SV2C: variants seen among roughly 807,000 people sequenced by gnomAD.
SV2C encodes solute carrier family 22 member B3.
A neutral mutation model predicts 79.7 loss-of-function variants in SV2C; 49 were observed. The observed-to-expected ratio is 0.61, with a 90% confidence interval of 0.49 to 0.78. The LOEUF is 0.78. Ranked by LOEUF, SV2C falls within the 30% of genes least tolerant of loss-of-function variation. SV2C has a pLI of 0.00. For missense variants in SV2C, 833 were observed against 912.9 expected (o/e 0.91, Z 1.13); for synonymous variants, 334 against 333.2 (o/e 1.00, Z -0.03).
chr5:75,979,085 A>G, the SV2C span, among the ~76,000 whole-genome samples: 1 of 152,220 alleles, frequency 6.6e-6, no homozygotes, highest in Non-Finnish European at 1.5e-5. Context: ...GAGGGATTGC[A>G]ATCCTAGTTT....
rs1051829894 is a variant in SV2C at position 76,220,069 on chromosome 5, C to T, written c.913+10182C>T. On this transcript the variant is annotated intron_variant, in intron 4 of 12. Coordinates refer to ENST00000502798, the MANE Select transcript of SV2C (RefSeq NM_014979.4). ...AGCACTGCAGGTGACCCTGTCAACC[C>T]GGGGTTTGTGACCATATGTCCCTCT... Among the ~76,000 whole-genome samples, 8 of 152,268 alleles carry T rather than the reference C, an allele frequency of 5.3e-5. No homozygotes were observed. The South Asian group carries it at 6.2e-4, about 12-fold the overall frequency.
chr5:75,910,245 A>G, the SV2C span: 32 of 442,218 alleles, frequency 7.2e-5, no homozygotes, highest in African/African-American at 5.3e-4. Flanking sequence ...CCTGGGCAAC[A>G]TGGCGAAACC....
chr5:75,956,641 A>G, the SV2C span, among the ~76,000 whole-genome samples: 1 of 151,982 alleles, frequency 6.6e-6, no homozygotes, highest in African/African-American at 2.4e-5. Flanking sequence ...GAGCAGTAGC[A>G]TTGTAAATAA....
intron 12 of SV2C, among the ~76,000 whole-genome samples, chr5:76,351,916 T>TA (rs1454193767): frequency 3.3e-5 from 5 of 151,724 alleles, no homozygotes; most frequent in African/African-American, 9.7e-5. Context: ...AATCTCACTT[T>TA]AAAAAAAAAT....
chr5:76,220,763 A>G (rs2112376438), intron 4 of SV2C, among the ~76,000 whole-genome samples: 1 of 152,282 alleles, frequency 6.6e-6, no homozygotes, highest in Admixed American at 6.5e-5. Flanking sequence ...CTCAGCGGTC[A>G]TCATCAAAGG....
the SV2C span, among the ~76,000 whole-genome samples, chr5:75,874,188 T>C: frequency 3.9e-5 from 6 of 152,052 alleles, no homozygotes; most frequent in Admixed American, 3.9e-4. Flanking sequence ...CAGCAGCCCA[T>C]CAAAAAGCTA....
chr5:76,163,363 T>G (rs1331283542), intron 2 of SV2C, among the ~76,000 whole-genome samples: 2 of 152,236 alleles, frequency 1.3e-5, no homozygotes, highest in Non-Finnish European at 2.9e-5. Context: ...GAATAATAAT[T>G]GAATGAACAA....
chr5:76,272,259 G>T (rs1393378148), intron 4 of SV2C, among the ~76,000 whole-genome samples: 1 of 152,014 alleles, frequency 6.6e-6, no homozygotes, highest in Non-Finnish European at 1.5e-5. Context: ...TCTCCCCCTT[G>T]CCCCCGGGAG....
the SV2C span, among the ~76,000 whole-genome samples, chr5:75,896,370 A>G: frequency 1.3e-5 from 2 of 151,922 alleles, no homozygotes; most frequent in South Asian, 2.1e-4. Flanking sequence ...AATTTCATCC[A>G]TGTCCCTACA....
At chr5:76,259,531 A>T (rs765878101) in intron 4 of SV2C, among the ~76,000 whole-genome samples, 1 of 152,130 alleles carries the variant, frequency 6.6e-6, no homozygotes, top group Non-Finnish European at 1.5e-5. Context: ...TGCTGCACCC[A>T]TCAACCTGTC....
chr5:76,228,635 G>A (rs1193296835), intron 4 of SV2C, among the ~76,000 whole-genome samples: 1 of 152,132 alleles, frequency 6.6e-6, no homozygotes, highest in Admixed American at 6.5e-5. Context: ...GGTGAGAGTA[G>A]GGGAGAAACA....
the SV2C span, among the ~76,000 whole-genome samples, chr5:75,928,421 T>C: frequency 8.9e-4 from 136 of 152,294 alleles, 1 homozygote; most frequent in South Asian, 1.9e-3. Context: ...CTGCTGCATG[T>C]ATTTACTTAG....
intron 4 of SV2C, among the ~76,000 whole-genome samples, chr5:76,216,293 G>A (rs567067476): frequency 1.3e-5 from 2 of 152,240 alleles, no homozygotes; most frequent in Admixed American, 6.5e-5. Context: ...CTCACCCAAT[G>A]CTGACAAGAC....
rs750615952 is a variant in SV2C at position 76,285,169 on chromosome 5, C to G, written c.921C>G (p.Ser307Arg). 6.2e-7 allele frequency: 1 copy of G among 1,614,098 alleles called. No individual in the cohort carries two copies. Among genetic ancestry groups the G allele is most frequent in the South Asian group, 1.1e-5 (1 of 91,072 alleles). ...CGTGTCCTCCTTTTCCAGGGTGGAG[C>G]TTCAGCATGGGATCGGCCTACCAGT... ...AWAIIPHYGWSFSMGSAYQFH... is the reference protein window; with the variant it reads ...AWAIIPHYGWRFSMGSAYQFH... The change falls in exon 5 of 13, where the codon AGC becomes AGG. Residue 307 changes from serine to arginine, a missense_variant. Physicochemically the swap from Ser to Arg is moderately radical, Grantham distance 110. Coordinates refer to ENST00000502798, the MANE Select transcript of SV2C (RefSeq NM_014979.4).
At chr5:76,011,267 G>T in the SV2C span, among the ~76,000 whole-genome samples, 4 of 152,020 alleles carry the variant, frequency 2.6e-5, no homozygotes, top group Non-Finnish European at 5.9e-5. Context: ...TAATAGCCAC[G>T]ATTTATCTAC....
the SV2C span, among the ~76,000 whole-genome samples, chr5:75,861,796 T>TA: frequency 6.6e-6 from 1 of 152,186 alleles, no homozygotes; most frequent in East Asian, 1.9e-4. Flanking sequence ...TTGGGAACAA[T>TA]AGACACTGAG....
At chr5:75,878,205 G>A in the SV2C span, among the ~76,000 whole-genome samples, 3 of 152,120 alleles carry the variant, frequency 2.0e-5, no homozygotes, top group Admixed American at 6.6e-5. Context: ...TAGTTGATAT[G>A]AATACCAATA....
the SV2C span, among the ~76,000 whole-genome samples, chr5:75,949,419 A>G: frequency 6.6e-6 from 1 of 152,058 alleles, no homozygotes; most frequent in Admixed American, 6.6e-5. Context: ...GGGCAAAAGT[A>G]GAGAAGCCAG....
At chr5:75,888,072 C>T in the SV2C span, among the ~76,000 whole-genome samples, 5 of 152,016 alleles carry the variant, frequency 3.3e-5, no homozygotes, top group Non-Finnish European at 1.5e-5. Context: ...TGTATTCTAT[C>T]ATTATCGAAA....
Sources: gnomAD v4.1 joint callset for allele counts (sites outside exome capture counted in the v4.1 genomes callset) on GRCh38, gnomAD v4.1.1 for gene constraint, MANE v1.5 for transcripts, NCBI Gene and HGNC (gene_info 2026-07-23, HGNC 2026-07-21) for gene names.